The following SGCG variants were observed in gnomAD, a reference collection of about 807,000 sequenced individuals.
SGCG encodes gamma-sarcoglycan.
In SGCG, 26 loss-of-function variants were observed where a neutral mutation model predicts 29.3. The observed-to-expected ratio is 0.89, with a 90% confidence interval of 0.65 to 1.23. The LOEUF is 1.23. Among genes scored for constraint, SGCG ranks in the 50% most tolerant of loss-of-function variants. The pLI, the probability that SGCG is intolerant of heterozygous loss-of-function variation, is 0.00. For missense variants in SGCG, 353 were observed against 356.0 expected (o/e 0.99, Z 0.07); for synonymous variants, 145 against 129.7 (o/e 1.12, Z -0.80).
At chr13:23,217,413 A>G (rs148926576) in intron 2 of SGCG, 1 of 152,182 alleles carries the variant, frequency 6.6e-6, no homozygotes, top group African/African-American at 2.4e-5. Context: ...CTATTATGAA[A>G]ATTTTCAAAT....
At chr13:23,270,065 G>A (rs200047621) in intron 4 of SGCG, among the ~76,000 whole-genome samples, 1 of 151,912 alleles carries the variant, frequency 6.6e-6, no homozygotes, top group Admixed American at 6.6e-5. Context: ...TAGTAGAGAC[G>A]GGGTTTCACC....
chr13:23,218,515 AGTT>A (rs1418925442), intron 2 of SGCG, among the ~76,000 whole-genome samples: 5 of 152,206 alleles, frequency 3.3e-5, no homozygotes, highest in Non-Finnish European at 4.4e-5. Flanking sequence ...AAATTATTTA[AGTT>A]GTTTATTAAG....
At chr13:23,318,644 T>G (rs1481772734) in intron 6 of SGCG, among the ~76,000 whole-genome samples, 1 of 152,192 alleles carries the variant, frequency 6.6e-6, no homozygotes, top group Non-Finnish European at 1.5e-5. Context: ...TGAGTACTGT[T>G]CAATGTGTTA....
chr13:23,253,971 T>G (rs1319587687), intron 4 of SGCG, among the ~76,000 whole-genome samples: 2 of 152,246 alleles, frequency 1.3e-5, no homozygotes, highest in African/African-American at 4.8e-5. Context: ...GAAGCCATGT[T>G]TGTACAGCCT....
chr13:23,197,138 G>A (rs1482537207), intron 1 of SGCG, among the ~76,000 whole-genome samples: 4 of 150,074 alleles, frequency 2.7e-5, no homozygotes, highest in African/African-American at 9.8e-5. Context: ...ATTTTTTTTT[G>A]TTACTGTAGC....
At chr13:23,182,801 G>A (rs191337494) in intron 1 of SGCG, among the ~76,000 whole-genome samples, 3 of 152,268 alleles carry the variant, frequency 2.0e-5, no homozygotes, top group African/African-American at 7.2e-5. Context: ...GGCTTGCTGT[G>A]CCCAAAGGCG....
At chr13:23,262,758 C>A (rs1880492574) in intron 4 of SGCG, among the ~76,000 whole-genome samples, 1 of 151,964 alleles carries the variant, frequency 6.6e-6, no homozygotes, top group South Asian at 2.1e-4. Context: ...TGATAGGCCA[C>A]AAACCAAGTC....
chr13:23,240,149 C>T (rs9580581), intron 3 of SGCG, among the ~76,000 whole-genome samples: 22,585 of 151,986 alleles, frequency 0.15, 2,012 homozygotes, highest in South Asian at 0.21. Flanking sequence ...TATACTAACA[C>T]TAATTAAAAG....
At chr13:23,290,147 T>C (rs1234060803) in intron 5 of SGCG, among the ~76,000 whole-genome samples, 1 of 152,154 alleles carries the variant, frequency 6.6e-6, no homozygotes, top group African/African-American at 2.4e-5. Flanking sequence ...CGGAGAGGCC[T>C]GAGGAGGAGG....
rs1433903594 is a variant in SGCG, at chr13:23,224,680, A to ACACACACC, written c.196-9930_196-9929insACACACCC. ...AGGGCACACATACACACACACACACACCCCACACCAGTGCAAGCACTGCTA... is the reference window on the plus strand; with the variant it reads ...AGGGCACACATACACACACACACACACACACACCCCCCACACCAGTGCAAGCACTGCTA... On this transcript the variant is annotated intron_variant, in intron 2 of 7. Coordinates refer to ENST00000218867, the MANE Select transcript of SGCG (RefSeq NM_000231.3). Among the ~76,000 whole-genome samples the ACACACACC allele has an allele frequency of 1.4e-3, 207 of 150,666 alleles. 1 individual carries two copies. Among genetic ancestry groups the ACACACACC allele is most frequent in the African/African-American group, 4.8e-3 (198 of 40,958 alleles).
chr13:23,178,704 C>T (rs750326873), upstream of SGCG, among the ~76,000 whole-genome samples: 13 of 152,192 alleles, frequency 8.5e-5, no homozygotes, highest in Non-Finnish European at 1.8e-4. Context: ...CACATTCTCT[C>T]TCTACAGATA....
chr13:23,285,219 TCC>T (rs1881452216), intron 5 of SGCG, among the ~76,000 whole-genome samples: 1 of 152,144 alleles, frequency 6.6e-6, no homozygotes, highest in African/African-American at 2.4e-5. Flanking sequence ...AGCCGCCCCT[TCC>T]CCCAGGTGCT....
chr13:23,208,347 T>C (rs1435122188), intron 2 of SGCG, among the ~76,000 whole-genome samples: 6 of 152,264 alleles, frequency 3.9e-5, no homozygotes, highest in Non-Finnish European at 7.4e-5. Context: ...CATCATACTT[T>C]AATGTTTCAC....
chr13:23,305,141 A>T (rs761777947), intron 6 of SGCG, among the ~76,000 whole-genome samples: 10 of 152,230 alleles, frequency 6.6e-5, no homozygotes, highest in Non-Finnish European at 1.5e-4. Flanking sequence ...TTAAGTTTTT[A>T]AATTACCTTA....
chr13:23,211,901 G>C (rs1386658993), intron 2 of SGCG, among the ~76,000 whole-genome samples: 2 of 152,138 alleles, frequency 1.3e-5, no homozygotes, highest in Non-Finnish European at 2.9e-5. Context: ...CTGTTGAATT[G>C]TAATACCTAG....
At chr13:23,162,747 C>G in the SGCG span, among the ~76,000 whole-genome samples, 1 of 152,148 alleles carries the variant, frequency 6.6e-6, no homozygotes, top group African/African-American at 2.4e-5. Flanking sequence ...AGGAGAATCA[C>G]TTGAACCTGG....
chr13:23,281,409 T>C (rs1183211571), intron 5 of SGCG, among the ~76,000 whole-genome samples: 1 of 151,916 alleles, frequency 6.6e-6, no homozygotes, highest in Admixed American at 6.6e-5. Context: ...TCCCCAGAGC[T>C]TCTGATTCAG....
chr13:23,297,678 G>A (rs12864471), intron 6 of SGCG, among the ~76,000 whole-genome samples: 69,536 of 151,972 alleles, frequency 0.46, 16,604 homozygotes, highest in East Asian at 0.89. Flanking sequence ...CAGCGTGGGC[G>A]TTATGGCCAT....
the SGCG span, among the ~76,000 whole-genome samples, chr13:23,174,759 A>G: frequency 6.6e-6 from 1 of 152,246 alleles, no homozygotes; most frequent in East Asian, 1.9e-4. Flanking sequence ...TGGTTATAAA[A>G]TCAGTATTTG....
Sources: gnomAD v4.1 joint callset for allele counts (sites outside exome capture counted in the v4.1 genomes callset) on GRCh38, gnomAD v4.1.1 for gene constraint, MANE v1.5 for transcripts, NCBI Gene and HGNC (gene_info 2026-07-23, HGNC 2026-07-21) for gene names.